Variants in EDA observed in about 807,000 individuals in gnomAD.
The protein encoded by EDA is ectodysplasin-A.
EDA carries 2 observed loss-of-function variants against 23.6 expected under a neutral mutation model. That is an observed-to-expected ratio of 0.08 (90% confidence interval 0.03 to 0.27). The LOEUF (loss-of-function observed/expected upper bound fraction) is 0.27, where lower values mean the gene tolerates loss of function less well. Among genes scored for constraint, EDA ranks in the 10% least tolerant of loss-of-function variants. EDA has a pLI of 1.00. For missense variants in EDA, 229 were observed against 324.2 expected (o/e 0.71, Z 2.26); for synonymous variants, 131 against 132.0 (o/e 0.99, Z 0.05).
At chrX:70,023,262 A>T in intron 3 of EDA, 21 bp downstream of exon 3, 1 of 1,099,023 alleles carries the variant, frequency 9.1e-7, no homozygotes. Context: ...GACTTTATAA[A>T]ATTGCTGTCT....
intron 1 of EDA, among the ~76,000 whole-genome samples, chrX:69,787,831 G>A (rs1205898091): frequency 1.8e-5 from 2 of 110,653 alleles, no homozygotes; most frequent in African/African-American, 6.6e-5. Context: ...GAATCTGAAT[G>A]TTGGCCTGCC....
chrX:70,026,315 A>G (rs1362325488), intron 3 of EDA, among the ~76,000 whole-genome samples: 2 of 111,661 alleles, frequency 1.8e-5, no homozygotes, highest in African/African-American at 6.5e-5. Flanking sequence ...TTGGTTCAAG[A>G]CCACAGTTAT....
At chrX:69,711,478 G>C (rs948368393) in intron 1 of EDA, among the ~76,000 whole-genome samples, 2 of 111,498 alleles carry the variant, frequency 1.8e-5, no homozygotes, top group Non-Finnish European at 3.8e-5. Flanking sequence ...TCTCCGCCAG[G>C]CTTTGGTATC....
At chrX:69,963,469 A>G (rs143013908) in intron 2 of EDA, among the ~76,000 whole-genome samples, 3,532 of 111,883 alleles carry the variant, frequency 0.032, 60 homozygotes, top group Middle Eastern at 0.05. Context: ...CTCGAAGAGG[A>G]TTGTTGATTT....
At chrX:69,855,206 C>A (rs1456622419) in intron 1 of EDA, among the ~76,000 whole-genome samples, 1 of 111,623 alleles carries the variant, frequency 9.0e-6, no homozygotes, top group South Asian at 3.7e-4. Flanking sequence ...AGATATTACA[C>A]CTTTGTCAGA....
In EDA at chrX:69,628,081, CCAAA is replaced by C. The variant is rs1932451881; in HGVS notation, c.396+11380_396+11383del. Among the ~76,000 whole-genome samples, 5 of 111,682 alleles carry C rather than the reference CCAAA, an allele frequency of 4.5e-5. No homozygotes were observed. In the South Asian group the frequency reaches 1.9e-3, roughly 42 times the overall value. On this transcript the variant is annotated intron_variant, in intron 1 of 7. Coordinates refer to ENST00000374552, the MANE Select transcript of EDA (RefSeq NM_001399.5). ...TGATGGCATATAGCAGGGATTGAAACCAAACAGCCGCAATGAAATTGATTTTCAA... is the reference window on the plus strand; with the variant it reads ...TGATGGCATATAGCAGGGATTGAAACCAGCCGCAATGAAATTGATTTTCAA...
chrX:69,788,731 A>T (rs2015291870), intron 1 of EDA, among the ~76,000 whole-genome samples: 1 of 113,069 alleles, frequency 8.8e-6, no homozygotes, highest in South Asian at 3.6e-4. Context: ...TGCAGAGGTT[A>T]CTGCTGTCTT....
chrX:70,012,766 CTG>C (rs1228314343), intron 2 of EDA, among the ~76,000 whole-genome samples: 2 of 112,509 alleles, frequency 1.8e-5, no homozygotes, highest in East Asian at 5.6e-4. Flanking sequence ...AGCAGCCAGA[CTG>C]TTTTCCACGT....
chrX:69,789,163 C>T (rs915515395), intron 1 of EDA, among the ~76,000 whole-genome samples: 3 of 111,998 alleles, frequency 2.7e-5, no homozygotes, highest in Non-Finnish European at 3.8e-5. Flanking sequence ...ATGCATGGTG[C>T]GTGCACCCAC....
intron 1 of EDA, among the ~76,000 whole-genome samples, chrX:69,772,999 C>G (rs1055783181): frequency 6.3e-5 from 7 of 111,474 alleles, no homozygotes; most frequent in Non-Finnish European, 1.1e-4. Context: ...TTCATCACCC[C>G]CAAAAAACCC....
At chrX:69,775,978 AC>A (rs1455850474) in intron 1 of EDA, among the ~76,000 whole-genome samples, 1 of 111,935 alleles carries the variant, frequency 8.9e-6, no homozygotes, top group Non-Finnish European at 1.9e-5. Flanking sequence ...TGAGTCATTG[AC>A]AATATCTGAC....
chrX:69,761,847 C>T (rs1237022152), intron 1 of EDA, among the ~76,000 whole-genome samples: 2 of 111,397 alleles, frequency 1.8e-5, no homozygotes, highest in African/African-American at 6.5e-5. Context: ...TCATTTGTAC[C>T]CCTGGAAACC....
At chrX:69,981,692 G>A (rs1242692433) in intron 2 of EDA, among the ~76,000 whole-genome samples, 1 of 112,073 alleles carries the variant, frequency 8.9e-6, no homozygotes, top group Non-Finnish European at 1.9e-5. Context: ...CCAACTTTGT[G>A]CCCTCACTTT....
At chrX:69,882,141 GA>G (rs201535327) in intron 1 of EDA, among the ~76,000 whole-genome samples, 5 of 109,181 alleles carry the variant, frequency 4.6e-5, no homozygotes, top group Non-Finnish European at 9.6e-5. Context: ...TCTGTTTATT[GA>G]AAAAAAAACT....
chrX:69,779,051 A>G (rs1186976707), intron 1 of EDA, among the ~76,000 whole-genome samples: 1 of 111,606 alleles, frequency 9.0e-6, no homozygotes, highest in Non-Finnish European at 1.9e-5. Context: ...GGATTCAGAG[A>G]AATTGGAACC....
chrX:69,618,514 A>G (rs1932062084), intron 1 of EDA, among the ~76,000 whole-genome samples: 1 of 112,124 alleles, frequency 8.9e-6, no homozygotes, highest in Non-Finnish European at 1.9e-5. Flanking sequence ...AAGGGCTTAT[A>G]TGAGTCCATT....
intron 1 of EDA, among the ~76,000 whole-genome samples, chrX:69,747,705 A>T (rs556782413): frequency 2.7e-5 from 3 of 112,124 alleles, no homozygotes; most frequent in African/African-American, 9.7e-5. Context: ...TTATAATTTG[A>T]AGATAGAGTC....
chrX:69,954,914 A>G (rs1346588945), intron 1 of EDA, among the ~76,000 whole-genome samples: 2 of 111,827 alleles, frequency 1.8e-5, no homozygotes, highest in Non-Finnish European at 3.8e-5. Context: ...AAGTGAAAAC[A>G]TACCATATTT....
intron 1 of EDA, among the ~76,000 whole-genome samples, chrX:69,666,361 C>T: frequency 8.9e-6 from 1 of 112,556 alleles, no homozygotes; most frequent in South Asian, 3.6e-4. Context: ...AGTAGGCATT[C>T]CTGCCTTGTA....
Sources: gnomAD v4.1 joint callset for allele counts (sites outside exome capture counted in the v4.1 genomes callset) on GRCh38, gnomAD v4.1.1 for gene constraint, MANE v1.5 for transcripts, NCBI Gene and HGNC (gene_info 2026-07-23, HGNC 2026-07-21) for gene names.